Variants in KATNA1 observed in about 807,000 individuals in gnomAD.
KATNA1 encodes the protein katanin p60 ATPase-containing subunit A1.
Under a neutral mutation model 62.6 loss-of-function variants are expected in KATNA1, and 42 were observed. That is an observed-to-expected ratio of 0.67 (90% confidence interval 0.52 to 0.87). The LOEUF is 0.87. KATNA1 is among the 40% of genes least tolerant of loss of function. KATNA1 has a pLI of 0.00. For missense variants in KATNA1, 498 were observed against 612.5 expected (o/e 0.81, Z 1.97); for synonymous variants, 186 against 201.9 (o/e 0.92, Z 0.67).
chr6:149,621,314 C>G (rs901273440), intron 4 of KATNA1, among the ~76,000 whole-genome samples: 2 of 150,532 alleles, frequency 1.3e-5, no homozygotes, highest in African/African-American at 2.4e-5. Flanking sequence ...TTAGTAGAGA[C>G]GGGGATTCAC....
Position 149,642,480 on chromosome 6 carries a change from C to T in KATNA1, c.-13-3920G>A, listed in dbSNP as rs144846098. 3.0e-4 allele frequency among the ~76,000 whole-genome samples: 45 copies of T among 152,206 alleles called. No individual in the cohort carries two copies. The East Asian group carries it at 8.1e-3, about 27-fold the overall frequency. On this transcript the variant is annotated intron_variant, in intron 1 of 10. Transcript: ENST00000367411. ...AGTCTCACACAGATCCACAAAGGAACTTGGTTTTGGACATTAATGACAGAA... is the reference window on the plus strand; with the variant it reads ...AGTCTCACACAGATCCACAAAGGAATTTGGTTTTGGACATTAATGACAGAA...
chr6:149,645,056 A>G (rs1463498890), intron 1 of KATNA1, among the ~76,000 whole-genome samples: 5 of 152,250 alleles, frequency 3.3e-5, no homozygotes, highest in Non-Finnish European at 5.9e-5. Context: ...TTTCAACAAT[A>G]TATCTTTATC....
chr6:149,640,157 T>A (rs1334698049), intron 1 of KATNA1, among the ~76,000 whole-genome samples: 1 of 152,202 alleles, frequency 6.6e-6, no homozygotes, highest in Non-Finnish European at 1.5e-5. Flanking sequence ...CTAAGCATAC[T>A]ACTTGACAAA....
Position 149,644,670 on chromosome 6 carries a change from C to T in KATNA1, c.-14+3799G>A, listed in dbSNP as rs1019931876. Among the ~76,000 whole-genome samples the T allele has an allele frequency of 2.0e-5, 3 of 151,980 alleles. No homozygotes were observed. The South Asian group carries it at 6.2e-4, about 32-fold the overall frequency. The stretch of plus-strand genomic sequence containing the variant: ...AAAATAAATTTAAATTAAGTTGTTA[C>T]TTATATATAGGTGGTCCTCGTTTTT... On this transcript the variant is annotated intron_variant, in intron 1 of 10. Transcript: ENST00000367411.
At chr6:149,609,958 G>T (rs1006881029) in intron 4 of KATNA1, among the ~76,000 whole-genome samples, 1 of 151,526 alleles carries the variant, frequency 6.6e-6, no homozygotes, top group Admixed American at 6.6e-5. Flanking sequence ...AATTAGCTGG[G>T]TGTGGTAGCA....
chr6:149,614,067 C>G (rs1028510964), intron 4 of KATNA1, among the ~76,000 whole-genome samples: 7 of 152,152 alleles, frequency 4.6e-5, no homozygotes, highest in African/African-American at 1.7e-4. Context: ...AAATCCTGTT[C>G]TTTATAGATT....
At position 149,638,532 on chromosome 6, in the gene KATNA1, TCATA is replaced by T; in HGVS notation, c.12_15del (p.Met5LeufsTer5). 6.2e-7 allele frequency: 1 copy of T among 1,613,150 alleles called. No individual in the cohort carries two copies. The highest frequency in any genetic ancestry group is 1.1e-5 in the South Asian group (1 of 91,028). On this transcript the variant is annotated frameshift_variant, in exon 2 of 11. Coordinates refer to ENST00000367411, the MANE Select transcript of KATNA1 (RefSeq NM_007044.4). LOFTEE classifies it high-confidence loss of function. Reference sequence around the variant, plus strand: ...CGAGCCAATTTTACATTCTCACTAATCATAAGAAGACTCATGTTCAACTGTAAGC... The same window carrying T: ...CGAGCCAATTTTACATTCTCACTAATAGAAGACTCATGTTCAACTGTAAGC...
chr6:149,641,126 T>C (rs1481353481), intron 1 of KATNA1, among the ~76,000 whole-genome samples: 1 of 151,218 alleles, frequency 6.6e-6, no homozygotes, highest in African/African-American at 2.4e-5. Flanking sequence ...CACCTCGGCC[T>C]CCCAAAGTGC....
intron 1 of KATNA1, among the ~76,000 whole-genome samples, chr6:149,642,969 T>A (rs57938011): frequency 0.34 from 52,381 of 152,046 alleles, 10,650 homozygotes; most frequent in East Asian, 0.81. Context: ...CCTTATATAA[T>A]TACTACCCCT....
At position 149,601,660 on chromosome 6, in the gene KATNA1, A is replaced by C. The variant is rs1238232862; in HGVS notation, c.822T>G (p.Ser274=). ...TECKTTFFNV[S]SSTLTSKYRG... is the part of the protein sequence containing the mutation. ...TGTATTTGGAAGTCAAAGTTGATGA[A>C]GAGACATTGAAGAATGTTGTCTTGC... The change falls in exon 7 of 11, where the codon TCT becomes TCG. Residue 274 remains serine, a synonymous_variant. Coordinates refer to ENST00000367411, the MANE Select transcript of KATNA1 (RefSeq NM_007044.4). The C allele has an allele frequency of 6.2e-7, 1 of 1,612,762 alleles. No individual in the cohort carries two copies. The highest frequency in any genetic ancestry group is 1.3e-5 in the African/African-American group (1 of 74,880).
chr6:149,639,673 T>C (rs1780207601), intron 1 of KATNA1, among the ~76,000 whole-genome samples: 1 of 152,154 alleles, frequency 6.6e-6, no homozygotes, highest in Admixed American at 6.6e-5. Flanking sequence ...CCCTCCCTAT[T>C]GTCAAAGCCC....
intron 10 of KATNA1, among the ~76,000 whole-genome samples, chr6:149,595,750 A>T (rs1363065634): frequency 6.6e-6 from 1 of 152,190 alleles, no homozygotes; most frequent in Admixed American, 6.5e-5. Flanking sequence ...ATGCAAAGGG[A>T]TAGCAATAGA....
At chr6:149,613,179 CAAAAAAAAAAAAAAAAAAAAAAAAA>C (rs71270309) in intron 4 of KATNA1, among the ~76,000 whole-genome samples, 19 of 12,578 alleles carry the variant, frequency 1.5e-3, no homozygotes, top group East Asian at 5.8e-3. Context: ...GACTCTGTCT[CAAAAAAAAAAAAAAAAAAAAAAAAA>C]AAAAAAAAAA....
intron 5 of KATNA1, 60 bp downstream of exon 5, chr6:149,604,600 TC>T: frequency 6.3e-7 from 1 of 1,577,806 alleles, no homozygotes; most frequent in South Asian, 1.1e-5. Flanking sequence ...TCACATTTGC[TC>T]CATTTTCCAT....
intron 3 of KATNA1, 55 bp downstream of exon 3, chr6:149,632,704 A>G (rs2114607997): frequency 2.7e-6 from 4 of 1,483,472 alleles, no homozygotes; most frequent in East Asian, 4.8e-5. Flanking sequence ...TCCTAAATAT[A>G]ATCAATGCTA....
At chr6:149,629,469 A>C (rs1779752219) in intron 3 of KATNA1, among the ~76,000 whole-genome samples, 1 of 152,066 alleles carries the variant, frequency 6.6e-6, no homozygotes. Flanking sequence ...GTGAGAAACA[A>C]ATGTATGTTG....
Position 149,613,526 on chromosome 6 carries a change from T to C in KATNA1, c.502-8744A>G, listed in dbSNP as rs1054838706. 2.6e-5 allele frequency among the ~76,000 whole-genome samples: 4 copies of C among 152,122 alleles called. No individual in the cohort carries two copies. The South Asian group carries it at 8.3e-4, about 31-fold the overall frequency. On this transcript the variant is annotated intron_variant, in intron 4 of 10. Transcript: ENST00000367411. Reference sequence around the variant, plus strand: ...CTAGCATAGTATTAAGCTGACAAGATAGAAGATAAACATATAAAAATCAAT... The same window carrying C: ...CTAGCATAGTATTAAGCTGACAAGACAGAAGATAAACATATAAAAATCAAT...
intron 1 of KATNA1, among the ~76,000 whole-genome samples, chr6:149,646,174 A>T (rs1473296809): frequency 6.6e-6 from 1 of 152,180 alleles, no homozygotes; most frequent in Non-Finnish European, 1.5e-5. Flanking sequence ...AGACAAAAAT[A>T]AGACAGAATT....
chr6:149,622,998 G>T, intron 4 of KATNA1, 105 bp downstream of exon 4: 3 of 847,698 alleles, frequency 3.5e-6, no homozygotes, highest in Non-Finnish European at 5.2e-6. Flanking sequence ...GACAGAGTGA[G>T]ACTGTCTCAA....
Sources: gnomAD v4.1 joint callset for allele counts (sites outside exome capture counted in the v4.1 genomes callset) on GRCh38, gnomAD v4.1.1 for gene constraint, MANE v1.5 for transcripts, NCBI Gene and HGNC (gene_info 2026-07-23, HGNC 2026-07-21) for gene names.